Variants in CFAP95 observed in about 807,000 individuals in gnomAD.
CFAP95 encodes the protein cilia and flagella associated protein 95, also known as cilia- and flagella-associated protein 95.
At chr9:69,858,170 T>C in the CFAP95 span, 19 of 552,014 alleles carry the variant, frequency 3.4e-5, no homozygotes, top group East Asian at 5.6e-4. Flanking sequence ...AATAAAACAG[T>C]AAATCCTCAC....
chr9:69,871,983 C>A, the CFAP95 span, among the ~76,000 whole-genome samples: 2 of 152,176 alleles, frequency 1.3e-5, no homozygotes, highest in East Asian at 3.8e-4. Flanking sequence ...GAGATAAGGG[C>A]TTTACATGCC....
chr9:69,844,417 A>G, the CFAP95 span: 1 of 669,144 alleles, frequency 1.5e-6, no homozygotes, highest in Non-Finnish European at 2.4e-6. Context: ...ACTTAATACT[A>G]CAAATATAGA....
At chr9:69,845,451 C>T in the CFAP95 span, among the ~76,000 whole-genome samples, 2 of 152,268 alleles carry the variant, frequency 1.3e-5, no homozygotes, top group Non-Finnish European at 1.5e-5. Context: ...ATTCTGCCCC[C>T]GCCCCCCAAG....
the CFAP95 span, among the ~76,000 whole-genome samples, chr9:69,822,102 T>C: frequency 0.098 from 14,998 of 152,284 alleles, 839 homozygotes; most frequent in South Asian, 0.18. Flanking sequence ...TTTCAAATTC[T>C]TTCCCTTGAA....
chr9:69,906,203 C>G, the CFAP95 span: 1 of 1,312,286 alleles, frequency 7.6e-7, no homozygotes, highest in African/African-American at 1.5e-5. Flanking sequence ...GATTTTCTAT[C>G]TTAATAAATG....
At chr9:69,822,813 G>A in the CFAP95 span, among the ~76,000 whole-genome samples, 1 of 152,176 alleles carries the variant, frequency 6.6e-6, no homozygotes, top group Non-Finnish European at 1.5e-5. Context: ...AAAATATAGC[G>A]GGACCTCATG....
At chr9:69,826,621 TC>T in the CFAP95 span, among the ~76,000 whole-genome samples, 1 of 152,200 alleles carries the variant, frequency 6.6e-6, no homozygotes, top group South Asian at 2.1e-4. Context: ...AGGCCCTCAA[TC>T]AAAAGCTTAT....
chr9:69,838,370 A>G, the CFAP95 span, among the ~76,000 whole-genome samples: 1 of 151,276 alleles, frequency 6.6e-6, no homozygotes, highest in Admixed American at 6.6e-5. Context: ...ATGAGCATGG[A>G]ATGTTCTTCC....
chr9:69,888,235 G>A, the CFAP95 span, among the ~76,000 whole-genome samples: 4 of 152,072 alleles, frequency 2.6e-5, no homozygotes, highest in African/African-American at 7.2e-5. Context: ...TAGCATAACC[G>A]ATTTAGGGAA....
chr9:69,904,416 G>A, the CFAP95 span, among the ~76,000 whole-genome samples: 2 of 152,168 alleles, frequency 1.3e-5, no homozygotes, highest in Admixed American at 6.5e-5. Context: ...TGTCTAGACC[G>A]TGTTTGTTTA....
chr9:69,879,435 G>C, the CFAP95 span, among the ~76,000 whole-genome samples: 2 of 152,130 alleles, frequency 1.3e-5, no homozygotes, highest in African/African-American at 4.8e-5. Flanking sequence ...CACAGTTTGG[G>C]TTTTATGCCT....
chr9:69,901,315 A>G, the CFAP95 span, among the ~76,000 whole-genome samples: 1 of 151,736 alleles, frequency 6.6e-6, no homozygotes, highest in African/African-American at 2.4e-5. Context: ...ATTTTTGTAT[A>G]TTTAGTAGAG....
chr9:69,852,885 C>G, the CFAP95 span, among the ~76,000 whole-genome samples: 597 of 152,328 alleles, frequency 3.9e-3, 6 homozygotes, highest in African/African-American at 0.014. Flanking sequence ...CAAGCACACT[C>G]TCTCTCTTTG....
At chr9:69,849,495 T>A in the CFAP95 span, among the ~76,000 whole-genome samples, 1 of 152,136 alleles carries the variant, frequency 6.6e-6, no homozygotes, top group Non-Finnish European at 1.5e-5. Context: ...ATTCAAAAAT[T>A]GGTGCCTGTA....
the CFAP95 span, among the ~76,000 whole-genome samples, chr9:69,882,393 C>T: frequency 6.6e-6 from 1 of 152,150 alleles, no homozygotes; most frequent in Non-Finnish European, 1.5e-5. Context: ...CATGTGCAAA[C>T]AAGGATAATT....
At chr9:69,840,820 C>A in the CFAP95 span, among the ~76,000 whole-genome samples, 2 of 152,100 alleles carry the variant, frequency 1.3e-5, no homozygotes, top group Admixed American at 1.3e-4. Flanking sequence ...CAGAGCCCCA[C>A]AGGCTGTGGG....
chr9:69,906,102 A>G, the CFAP95 span: 3 of 1,611,656 alleles, frequency 1.9e-6, no homozygotes, highest in Admixed American at 1.7e-5. Flanking sequence ...CAGAAACTCT[A>G]TCCCTTGACT....
the CFAP95 span, among the ~76,000 whole-genome samples, chr9:69,880,696 A>G: frequency 6.6e-6 from 1 of 152,216 alleles, no homozygotes; most frequent in Non-Finnish European, 1.5e-5. Context: ...TTGCTGCATC[A>G]TATGATAGCT....
the CFAP95 span, among the ~76,000 whole-genome samples, chr9:69,892,329 G>A: frequency 1.4e-4 from 21 of 152,304 alleles, no homozygotes; most frequent in East Asian, 4.1e-3. Flanking sequence ...GTACCTGGCT[G>A]ACTGGAGGCT....
Sources: allele counts gnomAD v4.1 joint callset (sites outside exome capture counted in the v4.1 genomes callset), GRCh38; gene constraint gnomAD v4.1.1; transcripts MANE v1.5; gene names NCBI Gene and HGNC (gene_info 2026-07-23, HGNC 2026-07-21).